ACACA: variants seen among roughly 807,000 people sequenced by gnomAD.
ACACA encodes the protein acetyl-CoA carboxylase alpha.
In ACACA, 103 loss-of-function variants were observed where a neutral mutation model predicts 296.1. The observed-to-expected ratio is 0.35, with a 90% CI of 0.30 to 0.41. The LOEUF is 0.41. ACACA is among the 10% of genes least tolerant of loss of function. ACACA has a pLI of 1.00. For missense variants in ACACA, 1,554 were observed against 2,989.7 expected (o/e 0.52, Z 11.20); for synonymous variants, 953 against 1,038.6 (o/e 0.92, Z 1.58).
chr17:37,097,951 T>A lies in ACACA; in HGVS notation c.6599A>T (p.Glu2200Val). The change falls in exon 53 of 56, where the codon GAG (glutamate) becomes GTG (valine). Residue 2200 changes from glutamate to valine, a missense_variant. Glu to Val is a moderately radical substitution (Grantham distance 121). Around this residue, in one of 16 missense-constraint regions of ACACA, gnomAD observed 553 missense variants for 1,043.6 expected, o/e 0.53. Coordinates refer to ENST00000616317, the MANE Select transcript of ACACA (RefSeq NM_198834.3). The surrounding 1 kb of genome is among the most constrained non-coding windows in gnomAD (Gnocchi z 4.8). ...CCGCTCCTTCAACTTGTTCTCCAAC[T>A]CCTTCCGCTCAGCTGTGCTTAGCTC... ...TPELSTAERK[E>V]LENKLKEREE... The A allele has an allele frequency of 1.9e-6, 3 of 1,614,158 alleles. No individual in the cohort carries two copies. The highest frequency in any genetic ancestry group is 1.7e-6 in the Non-Finnish European group (2 of 1,180,014).
At chr17:37,318,506 G>A (rs1454444130) in intron 3 of ACACA, among the ~76,000 whole-genome samples, 2 of 152,194 alleles carry the variant, frequency 1.3e-5, no homozygotes, top group East Asian at 3.9e-4. Flanking sequence ...CTCCCAAAGT[G>A]CTGGGATTAC....
At chr17:37,158,394 C>T (rs757257304) in intron 42 of ACACA, among the ~76,000 whole-genome samples, 41 of 152,064 alleles carry the variant, frequency 2.7e-4, no homozygotes, top group Non-Finnish European at 4.0e-4. Flanking sequence ...TTTGGGAGGC[C>T]AAGATGGGCG....
At chr17:37,308,808 A>G (rs114469916) in intron 3 of ACACA, among the ~76,000 whole-genome samples, 3,616 of 152,130 alleles carry the variant, frequency 0.024, 129 homozygotes, top group African/African-American at 0.082. Flanking sequence ...TTAGTGGTGC[A>G]CGCCTGTAAT....
intron 41 of ACACA, among the ~76,000 whole-genome samples, chr17:37,174,910 CCT>C (rs1216971227): frequency 2.6e-5 from 4 of 152,148 alleles, no homozygotes; most frequent in Non-Finnish European, 5.9e-5. Context: ...AATACCAACC[CCT>C]TTTTTGGATA....
intron 35 of ACACA, 32 bp downstream of exon 35, chr17:37,200,107 A>C (rs759189882): frequency 2.6e-6 from 4 of 1,516,344 alleles, no homozygotes; most frequent in Non-Finnish European, 2.7e-6. Context: ...TAAAACAGTA[A>C]GTAATCTTTC....
intron 15 of ACACA, 80 bp downstream of exon 15, chr17:37,252,806 A>C (rs2081055353): frequency 1.3e-6 from 2 of 1,573,532 alleles, no homozygotes; most frequent in Non-Finnish European, 1.7e-6. Flanking sequence ...GAATCAAATA[A>C]ATTTCATGTA....
At chr17:37,273,104 C>A (rs2082137628) in intron 9 of ACACA, among the ~76,000 whole-genome samples, 1 of 152,152 alleles carries the variant, frequency 6.6e-6, no homozygotes, top group African/African-American at 2.4e-5. Flanking sequence ...ATTTGAAATT[C>A]AATTAGAAAT....
At chr17:37,390,175 T>TATATATATACACAC (rs60788220) in intron 1 of ACACA, among the ~76,000 whole-genome samples, 36 of 44,504 alleles carry the variant, frequency 8.1e-4, no homozygotes, top group Admixed American at 1.3e-3. Flanking sequence ...TATATATATA[T>TATATATATACACAC]ACACACACAC....
chr17:37,157,531 CTTTTTTTT>C (rs397687787), intron 42 of ACACA, among the ~76,000 whole-genome samples: 13 of 90,484 alleles, frequency 1.4e-4, no homozygotes, highest in African/African-American at 5.5e-4. Flanking sequence ...ATCATTCTAT[CTTTTTTTT>C]TTTTTTTTTT....
chr17:37,402,106 T>C (rs1456804190), intron 1 of ACACA, among the ~76,000 whole-genome samples: 3 of 152,220 alleles, frequency 2.0e-5, no homozygotes, highest in African/African-American at 7.2e-5. Flanking sequence ...GATTTGGATA[T>C]TATTAATATA....
intron 28 of ACACA, among the ~76,000 whole-genome samples, chr17:37,222,543 A>G (rs956051411): frequency 1.3e-5 from 2 of 152,230 alleles, no homozygotes; most frequent in Non-Finnish European, 2.9e-5. Context: ...AACCTCACAC[A>G]TTTCACAGCA....
chr17:37,090,378 A>G (rs1268567), intron 54 of ACACA, among the ~76,000 whole-genome samples: 29,932 of 152,152 alleles, frequency 0.2, 3,571 homozygotes, highest in East Asian at 0.46. Context: ...ACTCCTTTAC[A>G]TTGGAAAGAT....
intron 1 of ACACA, among the ~76,000 whole-genome samples, chr17:37,351,045 CAGG>C (rs2048876822): frequency 6.6e-6 from 1 of 152,174 alleles, no homozygotes; most frequent in Non-Finnish European, 1.5e-5. Flanking sequence ...GAACCTGAGG[CAGG>C]AGAATTGCTT....
Position 37,155,751 on chromosome 17 carries a change from T to C in ACACA, c.5379A>G (p.Gln1793=). 1 of 1,610,600 alleles carries C rather than the reference T, an allele frequency of 6.2e-7. No individual in the cohort carries two copies. The highest frequency in any genetic ancestry group is 8.5e-7 in the Non-Finnish European group (1 of 1,178,378). Residue 1793 remains glutamine, a synonymous_variant, in exon 43 of 56, where the codon CAA becomes CAG. Transcript: ENST00000616317. ...KGYRYLYLTP[Q]DYKRVSALNS... Reference sequence around the variant, plus strand: ...TGAGAGCACTGACTCTCTTATAATCTTGAGGAGTCAGATATAAATACCTGT... The same window carrying C: ...TGAGAGCACTGACTCTCTTATAATCCTGAGGAGTCAGATATAAATACCTGT...
At chr17:37,330,573 GC>G in intron 2 of ACACA, 148 bp from the exon 3 acceptor site, 1 of 981,190 alleles carries the variant, frequency 1.0e-6, no homozygotes, top group African/African-American at 1.6e-5. Context: ...CTATTTCAGG[GC>G]CTTTAATTTC....
chr17:37,288,234 T>C (rs2082882460), intron 3 of ACACA, among the ~76,000 whole-genome samples: 1 of 152,254 alleles, frequency 6.6e-6, no homozygotes. Flanking sequence ...TTAATTTTTT[T>C]ATTATTGCAT....
At chr17:37,239,782 A>C (rs1298870290) in intron 24 of ACACA, among the ~76,000 whole-genome samples, 2 of 152,218 alleles carry the variant, frequency 1.3e-5, no homozygotes, top group Non-Finnish European at 2.9e-5. Flanking sequence ...TGATATCTAC[A>C]TGAGGATTTT....
At chr17:37,243,081 T>C (rs1338804043) in intron 22 of ACACA, among the ~76,000 whole-genome samples, 1 of 152,202 alleles carries the variant, frequency 6.6e-6, no homozygotes, top group Non-Finnish European at 1.5e-5. Context: ...AATATCACTC[T>C]ATTTTCAATT....
At chr17:37,091,072 G>C (rs1426354579) in intron 54 of ACACA, among the ~76,000 whole-genome samples, 1 of 152,200 alleles carries the variant, frequency 6.6e-6, no homozygotes, top group Non-Finnish European at 1.5e-5. Flanking sequence ...ACATATGCCA[G>C]GGAGCAGATT....
Sources: allele counts gnomAD v4.1 joint callset (sites outside exome capture counted in the v4.1 genomes callset), GRCh38; gene constraint gnomAD v4.1.1; regional missense constraint gnomAD v4.1.1; non-coding constraint Gnocchi (gnomAD v3.1); transcripts MANE v1.5; gene names NCBI Gene and HGNC (gene_info 2026-07-23, HGNC 2026-07-21).